The following CPEB3 variants were observed in gnomAD, a reference collection of about 807,000 sequenced individuals.
The protein encoded by CPEB3 is cytoplasmic polyadenylation element binding protein 3.
A neutral mutation model predicts 67.2 loss-of-function variants in CPEB3; 20 were observed. That is an observed-to-expected ratio of 0.30 (90% confidence interval 0.21 to 0.43). The LOEUF is 0.43. CPEB3 is among the 20% of genes least tolerant of loss of function. CPEB3 has a pLI of 1.00. For synonymous variants in CPEB3, 376 were observed against 393.1 expected, an observed-to-expected ratio of 0.96 and a Z score of 0.51; for missense variants, 746 against 968.6, an observed-to-expected ratio of 0.77 and a Z score of 3.05.
chr10:92,224,747 G>C (rs1164227903), intron 2 of CPEB3, among the ~76,000 whole-genome samples: 1 of 151,798 alleles, frequency 6.6e-6, no homozygotes, highest in Non-Finnish European at 1.5e-5. Context: ...CAGGAAGGCT[G>C]AGGCAGGAGG....
At chr10:92,271,662 G>A (rs894611537) in intron 1 of CPEB3, among the ~76,000 whole-genome samples, 2 of 152,192 alleles carry the variant, frequency 1.3e-5, no homozygotes, top group African/African-American at 2.4e-5. Flanking sequence ...GGAACATGGT[G>A]TGGATTTAAC....
intron 1 of CPEB3, 149 bp downstream of exon 1, chr10:92,290,776 AC>A (rs1188597114): frequency 6.6e-6 from 1 of 151,664 alleles, no homozygotes; most frequent in East Asian, 2.0e-4. Context: ...AGTTTCTGCC[AC>A]CCCCACTGCC....
At position 92,166,034 on chromosome 10, in the gene CPEB3, G is replaced by T. The variant is rs559048721; in HGVS notation, c.1222+14929C>A. Among the ~76,000 whole-genome samples the T allele has an allele frequency of 7.2e-5, 11 of 152,160 alleles. No individual in the cohort carries two copies. The South Asian group carries it at 1.0e-3, about 14-fold the overall frequency. ...CTAAAATAAAGAATCCTTTCTAGAA[G>T]GTTTTCAACTTTGCCTAGGTTCATC... On this transcript the variant is annotated intron_variant, in intron 4 of 9. Coordinates refer to ENST00000265997, the MANE Select transcript of CPEB3 (RefSeq NM_014912.5).
chr10:92,182,301 A>G (rs1848494914), intron 3 of CPEB3, among the ~76,000 whole-genome samples: 1 of 152,238 alleles, frequency 6.6e-6, no homozygotes, highest in African/African-American at 2.4e-5. Flanking sequence ...CAAAAGAGTC[A>G]GTGATCATTT....
At chr10:92,077,372 A>T (rs1842974958) in intron 9 of CPEB3, among the ~76,000 whole-genome samples, 1 of 152,130 alleles carries the variant, frequency 6.6e-6, no homozygotes, top group South Asian at 2.1e-4. Context: ...ACAGAGTAAC[A>T]GTTCTGGGGA....
chr10:92,216,844 G>C lies in CPEB3; in HGVS notation c.1005+22502C>G, dbSNP rs571379316. 34 of 1,559,584 alleles carry C rather than the reference G, an allele frequency of 2.2e-5. No homozygotes were observed. In the East Asian group the frequency reaches 7.2e-4, roughly 33 times the overall value. On this transcript the variant is annotated intron_variant, in intron 2 of 9. Coordinates refer to ENST00000265997, the MANE Select transcript of CPEB3 (RefSeq NM_014912.5). ...TGCCGCTGGAAGCTACTGGGCTGAC[G>C]GCAGGACGACTGGCTGTCCTCCTGC...
At chr10:92,128,141 C>T (rs1050518000) in intron 6 of CPEB3, among the ~76,000 whole-genome samples, 1 of 152,148 alleles carries the variant, frequency 6.6e-6, no homozygotes, top group Admixed American at 6.6e-5. Flanking sequence ...GTAACCTTCA[C>T]AAAATTTATC....
chr10:92,113,667 T>C (rs1844860869), intron 6 of CPEB3, among the ~76,000 whole-genome samples: 1 of 152,230 alleles, frequency 6.6e-6, no homozygotes, highest in South Asian at 2.1e-4. Flanking sequence ...GACTCCATTT[T>C]TCCTTCACAT....
chr10:92,192,566 G>C lies in CPEB3; in HGVS notation c.1076C>G (p.Thr359Ser). 1 of 1,613,470 alleles carries C rather than the reference G, an allele frequency of 6.2e-7. No individual in the cohort carries two copies. Among genetic ancestry groups the C allele is most frequent in the Non-Finnish European group, 8.5e-7 (1 of 1,179,458 alleles). The change falls in exon 3 of 10, where the codon ACT becomes AGT. Residue 359 changes from threonine to serine, a missense_variant. Around this residue, in one of 2 missense-constraint regions of CPEB3, gnomAD observed 643 missense variants for 717.5 expected, o/e 0.90. Coordinates refer to ENST00000265997, the MANE Select transcript of CPEB3 (RefSeq NM_014912.5). ...LENSLMDMIR[T>S]DHEPLKGKHY... ...TTTACCTTTCAGAGGTTCATGATCAGTCCTTATCATATCCATTAAGGAGTT... is the reference window on the plus strand; with the variant it reads ...TTTACCTTTCAGAGGTTCATGATCACTCCTTATCATATCCATTAAGGAGTT...
At chr10:92,163,530 C>T (rs534882864) in intron 4 of CPEB3, among the ~76,000 whole-genome samples, 2 of 152,278 alleles carry the variant, frequency 1.3e-5, no homozygotes, top group South Asian at 2.1e-4. Flanking sequence ...ATTCAAACAT[C>T]TAATGTTCCC....
At chr10:92,158,195 T>C (rs1847296447) in intron 4 of CPEB3, among the ~76,000 whole-genome samples, 1 of 152,190 alleles carries the variant, frequency 6.6e-6, no homozygotes, top group Non-Finnish European at 1.5e-5. Flanking sequence ...GATATGAAGA[T>C]ACTGTTCAAC....
chr10:92,108,282 G>A (rs2133455270), intron 7 of CPEB3, among the ~76,000 whole-genome samples: 1 of 152,308 alleles, frequency 6.6e-6, no homozygotes, highest in East Asian at 1.9e-4. Flanking sequence ...AAAGTTTGGT[G>A]AGTGAGCACC....
intron 9 of CPEB3, among the ~76,000 whole-genome samples, chr10:92,067,159 A>G (rs1315614078): frequency 1.3e-5 from 2 of 152,016 alleles, no homozygotes; most frequent in African/African-American, 2.4e-5. Flanking sequence ...TTTTTCAACT[A>G]TGAGCTGGAA....
At chr10:92,120,138 C>T (rs1299197424) in intron 6 of CPEB3, among the ~76,000 whole-genome samples, 1 of 115,958 alleles carries the variant, frequency 8.6e-6, no homozygotes, top group African/African-American at 3.7e-5. Flanking sequence ...ACGCCGGGTG[C>T]GGTGGCTCAC....
At chr10:92,151,852 T>A (rs1846981482) in intron 4 of CPEB3, among the ~76,000 whole-genome samples, 1 of 152,316 alleles carries the variant, frequency 6.6e-6, no homozygotes, top group South Asian at 2.1e-4. Context: ...GATCTATCTT[T>A]AATTTGTTCA....
chr10:92,053,427 G>A (rs976235517), intron 9 of CPEB3, among the ~76,000 whole-genome samples: 8 of 151,888 alleles, frequency 5.3e-5, no homozygotes, highest in South Asian at 2.1e-4. Flanking sequence ...GCAGTGGTGC[G>A]ATCTCGGCTC....
At chr10:92,132,441 T>C (rs983417531) in intron 6 of CPEB3, among the ~76,000 whole-genome samples, 1 of 152,080 alleles carries the variant, frequency 6.6e-6, no homozygotes, top group Non-Finnish European at 1.5e-5. Context: ...GAAAACAACA[T>C]GTGTAGTATT....
intron 3 of CPEB3, among the ~76,000 whole-genome samples, chr10:92,182,255 T>C (rs1848492704): frequency 1.3e-5 from 2 of 152,214 alleles, no homozygotes; most frequent in African/African-American, 4.8e-5. Context: ...AAATGATTGA[T>C]TTTTACAACA....
intron 9 of CPEB3, among the ~76,000 whole-genome samples, chr10:92,057,315 A>G (rs1333251268): frequency 1.3e-5 from 2 of 152,186 alleles, no homozygotes; most frequent in African/African-American, 4.8e-5. Context: ...GCCTGGCAGT[A>G]CTTCTCATGG....
Sources: allele counts gnomAD v4.1 joint callset (sites outside exome capture counted in the v4.1 genomes callset), GRCh38; gene constraint gnomAD v4.1.1; regional missense constraint gnomAD v4.1.1; transcripts MANE v1.5; gene names NCBI Gene and HGNC (gene_info 2026-07-23, HGNC 2026-07-21).